SCN2A: variants seen among roughly 807,000 people sequenced by gnomAD.
SCN2A encodes sodium voltage-gated channel alpha subunit 2.
A neutral mutation model predicts 188.7 loss-of-function variants in SCN2A; 20 were observed. That is an observed-to-expected ratio of 0.11 (90% CI 0.07 to 0.15). The LOEUF (loss-of-function observed/expected upper bound fraction) is 0.15. Ranked by LOEUF, SCN2A falls within the 10% of genes least tolerant of loss-of-function variation. The probability of loss-of-function intolerance (pLI) is 1.00; values close to 1 mark genes in which losing one functional copy is unlikely to be tolerated. For synonymous variants in SCN2A, 804 were observed against 833.1 expected (o/e 0.97, Z 0.60); for missense variants, 1,278 against 2,445.0 (o/e 0.52, Z 10.07).
chr2:165,354,322 T>C lies in SCN2A; in HGVS notation c.3050T>C (p.Val1017Ala). ...VGRMQKGIDF[V>A]KRKIREFIQK... is the part of the protein sequence containing the mutation. ...AGGATGCAGAAAGGAATCGATTTTG[T>C]TAAAAGAAAAATACGTGAATTTATT... The change falls in exon 17 of 27, where the codon GTT becomes GCT. Residue 1017 changes from valine (V) to alanine (A), a missense_variant. Val to Ala is a moderately conservative substitution (Grantham distance 64, BLOSUM62 0). Around this residue, in one of 17 missense-constraint regions of SCN2A, gnomAD observed 228 missense variants for 297.3 expected, o/e 0.77. Transcript: ENST00000375437. 6.2e-7 allele frequency: 1 copy of C among 1,614,094 alleles called. No homozygotes were observed. Among genetic ancestry groups the C allele is most frequent in the Non-Finnish European group, 8.5e-7 (1 of 1,180,020 alleles).
chr2:165,392,147 A>T lies in SCN2A; in HGVS notation c.*2323A>T, dbSNP rs1029553009. ...TCTGAAAAACAAATGTAAAGAACAC[A>T]CATTAATTACTATAATTCATCTTTC... On this transcript the variant is annotated 3_prime_UTR_variant, in exon 27 of 27. Transcript: ENST00000375437. 7.9e-5 allele frequency: 12 copies of T among 152,576 alleles called. No homozygotes were observed. Among genetic ancestry groups the T allele is most frequent in the African/African-American group, 2.9e-4 (12 of 41,456 alleles). The allele number at this position is 152,576 out of a possible 1,614,324, so 9.5% of individuals were successfully genotyped here.
At chr2:165,325,476 T>C (rs1189577937) in intron 12 of SCN2A, among the ~76,000 whole-genome samples, 1 of 152,210 alleles carries the variant, frequency 6.6e-6, no homozygotes, top group African/African-American at 2.4e-5. Flanking sequence ...AATGACACCC[T>C]TGAAAGCACA....
intron 13 of SCN2A, among the ~76,000 whole-genome samples, chr2:165,328,923 T>G (rs1050178504): frequency 3.9e-5 from 6 of 151,924 alleles, no homozygotes; most frequent in Admixed American, 1.3e-4. Flanking sequence ...GAGTGTGACA[T>G]TTGTCAAGGT....
chr2:165,386,639 G>T (rs909393029), intron 25 of SCN2A, 107 bp from the exon 26 acceptor site: 2 of 1,110,168 alleles, frequency 1.8e-6, no homozygotes, highest in East Asian at 2.6e-5. Flanking sequence ...GATTAAAGAT[G>T]TGTTTTTATA....
chr2:165,260,974 A>AAAAAG (rs1694570714), intron 1 of SCN2A, among the ~76,000 whole-genome samples: 1 of 151,084 alleles, frequency 6.6e-6, no homozygotes, highest in African/African-American at 2.4e-5. Context: ...CCGTCTCAAA[A>AAAAAG]AAAAAAAAAA....
At chr2:165,279,413 A>C (rs1395185620) in intron 1 of SCN2A, among the ~76,000 whole-genome samples, 2 of 152,306 alleles carry the variant, frequency 1.3e-5, no homozygotes, top group East Asian at 3.9e-4. Flanking sequence ...TCTTTGGTTG[A>C]ACATCATCAA....
At chr2:165,257,170 AGCTG>A (rs1694365032) in intron 1 of SCN2A, among the ~76,000 whole-genome samples, 1 of 152,186 alleles carries the variant, frequency 6.6e-6, no homozygotes, top group Admixed American at 6.5e-5. Flanking sequence ...CACACCTAAA[AGCTG>A]GGCACAGACT....
chr2:165,339,985 T>A (rs1295539537), intron 14 of SCN2A, among the ~76,000 whole-genome samples: 1 of 152,052 alleles, frequency 6.6e-6, no homozygotes, highest in Non-Finnish European at 1.5e-5. Context: ...CATAAATAGA[T>A]CCAAACTACA....
intron 1 of SCN2A, among the ~76,000 whole-genome samples, chr2:165,280,279 T>C (rs1294954109): frequency 1.3e-5 from 2 of 152,188 alleles, no homozygotes; most frequent in Non-Finnish European, 2.9e-5. Context: ...TTTATCTATG[T>C]ACTCAATCCC....
At chr2:165,376,803 C>T (rs188814734) in intron 22 of SCN2A, among the ~76,000 whole-genome samples, 2 of 151,926 alleles carry the variant, frequency 1.3e-5, no homozygotes, top group Non-Finnish European at 2.9e-5. Context: ...GAAAACTTTC[C>T]AATTAAGACT....
chr2:165,269,174 T>C (rs1433599737), intron 1 of SCN2A: 1 of 152,014 alleles, frequency 6.6e-6, no homozygotes, highest in African/African-American at 2.4e-5. Flanking sequence ...AATATAAATA[T>C]CTGAGGTGAA....
chr2:165,318,801 C>T (rs6704657), intron 11 of SCN2A, among the ~76,000 whole-genome samples: 84,578 of 151,992 alleles, frequency 0.56, 23,991 homozygotes, highest in Middle Eastern at 0.64. Context: ...AGCAGTATGT[C>T]ACACATCCTG....
chr2:165,327,127 AAC>A, intron 13 of SCN2A, 143 bp downstream of exon 13: 7 of 1,057,118 alleles, frequency 6.6e-6, no homozygotes, highest in Non-Finnish European at 8.4e-6. Context: ...ATCCGTGCAT[AAC>A]TCATGGATTC....
intron 14 of SCN2A, among the ~76,000 whole-genome samples, chr2:165,341,260 A>AT (rs1418821955): frequency 1.3e-5 from 2 of 151,960 alleles, no homozygotes; most frequent in Non-Finnish European, 2.9e-5. Context: ...CGCCCGGCTA[A>AT]TTTTTTGTAT....
At chr2:165,383,822 A>T (rs533720670) in intron 25 of SCN2A, among the ~76,000 whole-genome samples, 1 of 152,166 alleles carries the variant, frequency 6.6e-6, no homozygotes, top group Non-Finnish European at 1.5e-5. Flanking sequence ...GATGTCATGC[A>T]GGAAATGAAG....
At chr2:165,346,345 A>G (rs1472718473) in intron 16 of SCN2A, among the ~76,000 whole-genome samples, 1 of 152,174 alleles carries the variant, frequency 6.6e-6, no homozygotes, top group Non-Finnish European at 1.5e-5. Flanking sequence ...AGGTACACCA[A>G]TCAAACTTAG....
intron 3 of SCN2A, among the ~76,000 whole-genome samples, chr2:165,298,802 C>T (rs561796512): frequency 1.3e-4 from 20 of 151,992 alleles, no homozygotes; most frequent in African/African-American, 2.9e-4. Flanking sequence ...CTTATGCAAA[C>T]GTAATTTATA....
rs1189526118 is a variant in SCN2A, at chr2:165,331,103, T to C, written c.2150-227T>C. 2.0e-5 allele frequency among the ~76,000 whole-genome samples: 3 copies of C among 152,164 alleles called. No homozygotes were observed. In the East Asian group the frequency reaches 5.8e-4, roughly 29 times the overall value. On this transcript the variant is annotated intron_variant, in intron 13 of 26. Transcript: ENST00000375437. Reference sequence around the variant, plus strand: ...CAGTTTAGTGTTGCCAATAGAATCTTGGAAGCTATGTTTAGCCAGGATACA... The same window carrying C: ...CAGTTTAGTGTTGCCAATAGAATCTCGGAAGCTATGTTTAGCCAGGATACA...
rs760498358 is a variant in SCN2A, at chr2:165,373,323, T to C, written c.3948T>C (p.Ala1316=). ...TAAGAGCTCTGAGGCCACTGAGAGC[T>C]TTGTCCCGGTTTGAAGGAATGAGGG... ...RTLRALRPLR[A]LSRFEGMRVV... The change falls in exon 21 of 27, where the codon GCT becomes GCC. Residue 1316 remains alanine (A), a synonymous_variant. Coordinates refer to ENST00000375437, the MANE Select transcript of SCN2A (RefSeq NM_001040142.2). The C allele has an allele frequency of 6.2e-7, 1 of 1,613,354 alleles. No individual in the cohort carries two copies. Among genetic ancestry groups the C allele is most frequent in the South Asian group, 1.1e-5 (1 of 91,070 alleles).
Sources: allele counts gnomAD v4.1 joint callset (sites outside exome capture counted in the v4.1 genomes callset), GRCh38; gene constraint gnomAD v4.1.1; regional missense constraint gnomAD v4.1.1; transcripts MANE v1.5; gene names NCBI Gene and HGNC (gene_info 2026-07-23, HGNC 2026-07-21).